The following PKHD1 variants were observed in gnomAD, a reference collection of about 807,000 sequenced individuals.
PKHD1 encodes fibrocystin.
In PKHD1, 291 loss-of-function variants were observed where a neutral mutation model predicts 412.0. The observed-to-expected ratio is 0.71, with a 90% confidence interval of 0.64 to 0.78. The LOEUF is 0.78. Ranked by LOEUF, PKHD1 falls within the 30% of genes least tolerant of loss-of-function variation. PKHD1 has a pLI of 0.00. For missense variants in PKHD1, 4,825 were observed against 4,950.7 expected (o/e 0.97, Z 0.76); for synonymous variants, 1,777 against 1,821.5 (o/e 0.98, Z 0.62).
At chr6:51,864,991 A>T (rs529575047) in intron 48 of PKHD1, among the ~76,000 whole-genome samples, 4 of 152,146 alleles carry the variant, frequency 2.6e-5, no homozygotes, top group East Asian at 1.9e-4. Flanking sequence ...TATGTGGGAC[A>T]TTTTATAATT....
In PKHD1 at chr6:51,723,453, G is replaced by A. The variant is rs986047674; in HGVS notation, c.10156+20932C>T. On this transcript the variant is annotated intron_variant, in intron 60 of 66. Coordinates refer to ENST00000371117, the MANE Select transcript of PKHD1 (RefSeq NM_138694.4). ...GAATCTGGCCTTTCTAATTACCTGG[G>A]TACTGTCACACAGATCAATGTCAGA... Among the ~76,000 whole-genome samples the A allele has an allele frequency of 2.7e-4, 41 of 152,164 alleles. No homozygotes were observed. In the Middle Eastern group the frequency reaches 0.02, roughly 76 times the overall value.
intron 59 of PKHD1, among the ~76,000 whole-genome samples, chr6:51,745,336 A>T (rs1025161486): frequency 1.3e-5 from 2 of 152,192 alleles, no homozygotes; most frequent in African/African-American, 4.8e-5. Context: ...TTCAATTCTC[A>T]TGAATAAGAT....
chr6:51,705,761 T>C (rs906113642), intron 60 of PKHD1, among the ~76,000 whole-genome samples: 15 of 152,042 alleles, frequency 9.9e-5, no homozygotes, highest in Non-Finnish European at 2.1e-4. Context: ...GGATAGATGC[T>C]TGAAGTAGAA....
chr6:51,670,881 T>C (rs975490232), intron 60 of PKHD1, among the ~76,000 whole-genome samples: 1 of 151,886 alleles, frequency 6.6e-6, no homozygotes, highest in Admixed American at 6.6e-5. Context: ...TGGCCCCCAC[T>C]CTCTTCTGGC....
intron 1 of PKHD1, among the ~76,000 whole-genome samples, chr6:52,086,549 A>G (rs1812827036): frequency 6.6e-6 from 1 of 152,232 alleles, no homozygotes. Flanking sequence ...CCTTACGGGC[A>G]TGTTCTGATT....
Position 51,949,985 on chromosome 6 carries a change from C to T in PKHD1, c.5908+9885G>A, listed in dbSNP as rs537425628. On this transcript the variant is annotated intron_variant, in intron 36 of 66. Transcript: ENST00000371117. ...GATACTGCTTATGCATCTCCCTGTT[C>T]TTCCTTTAATTAAAAAACATGCTTA... 8.6e-5 allele frequency among the ~76,000 whole-genome samples: 13 copies of T among 152,002 alleles called. No homozygotes were observed. In the South Asian group the frequency reaches 2.7e-3, roughly 32 times the overall value.
At chr6:51,773,019 T>C (rs1041608446) in intron 54 of PKHD1, among the ~76,000 whole-genome samples, 1 of 152,028 alleles carries the variant, frequency 6.6e-6, no homozygotes, top group South Asian at 2.1e-4. Context: ...AAAAGAATGC[T>C]ACACCACATC....
At chr6:51,623,629 G>T (rs1023448427) in intron 66 of PKHD1, among the ~76,000 whole-genome samples, 2 of 151,892 alleles carry the variant, frequency 1.3e-5, no homozygotes, top group African/African-American at 4.8e-5. Context: ...TGTCACCCAG[G>T]CTGGAATGCA....
At chr6:51,751,392 GA>G (rs1217867270) in intron 57 of PKHD1, among the ~76,000 whole-genome samples, 3 of 152,068 alleles carry the variant, frequency 2.0e-5, no homozygotes, top group African/African-American at 7.2e-5. Context: ...TTCTGGAACA[GA>G]AAAAAACTGA....
intron 37 of PKHD1, among the ~76,000 whole-genome samples, chr6:51,931,765 T>C (rs1383080509): frequency 1.3e-5 from 2 of 152,000 alleles, no homozygotes; most frequent in Non-Finnish European, 2.9e-5. Context: ...CCTAAATGCT[T>C]TGGGGAATGT....
At chr6:51,672,636 G>T (rs1266638808) in intron 60 of PKHD1, among the ~76,000 whole-genome samples, 1 of 152,184 alleles carries the variant, frequency 6.6e-6, no homozygotes, top group East Asian at 1.9e-4. Context: ...GTTTATTCAA[G>T]GTTGGGTTCA....
intron 48 of PKHD1, 36 bp from the exon 49 acceptor site, chr6:51,856,106 G>C (rs1383506200): frequency 8.0e-7 from 1 of 1,242,346 alleles, no homozygotes; most frequent in Non-Finnish European, 1.2e-6. Flanking sequence ...AATGGGTTGA[G>C]AGATTATTTG....
At chr6:51,622,324 A>G (rs1561973806) in intron 66 of PKHD1, 1 of 151,420 alleles carries the variant, frequency 6.6e-6, no homozygotes, top group African/African-American at 2.4e-5. Context: ...CTCTCTCTCT[A>G]CCTCCCCCTA....
chr6:51,986,213 A>G (rs1796201755), intron 35 of PKHD1, among the ~76,000 whole-genome samples: 2 of 152,238 alleles, frequency 1.3e-5, no homozygotes, highest in South Asian at 4.1e-4. Context: ...GGAGAGGGAC[A>G]TAGCTGTTCT....
intron 43 of PKHD1, among the ~76,000 whole-genome samples, chr6:51,896,638 C>T (rs1238929619): frequency 6.6e-6 from 1 of 152,164 alleles, no homozygotes; most frequent in Non-Finnish European, 1.5e-5. Flanking sequence ...CAGTTCCTCA[C>T]CAGCAACGGA....
intron 36 of PKHD1, among the ~76,000 whole-genome samples, chr6:51,952,330 G>C (rs1790478376): frequency 6.6e-6 from 1 of 152,154 alleles, no homozygotes; most frequent in South Asian, 2.1e-4. Context: ...GTACCAGGAA[G>C]GACTCTGATT....
chr6:51,938,248 C>T (rs569315334), intron 36 of PKHD1, among the ~76,000 whole-genome samples: 4 of 152,340 alleles, frequency 2.6e-5, no homozygotes, highest in South Asian at 4.1e-4. Flanking sequence ...AACTGTCAGG[C>T]CTCTGAGCCC....
chr6:51,845,414 T>C (rs1054106091), intron 50 of PKHD1, among the ~76,000 whole-genome samples: 1 of 152,142 alleles, frequency 6.6e-6, no homozygotes, highest in Non-Finnish European at 1.5e-5. Flanking sequence ...ACTCAGAGGA[T>C]AAAGGAGGCA....
chr6:51,713,431 T>C (rs1365126731), intron 60 of PKHD1, among the ~76,000 whole-genome samples: 1 of 152,152 alleles, frequency 6.6e-6, no homozygotes, highest in Non-Finnish European at 1.5e-5. Context: ...TGACTCCTCC[T>C]CCTCTACTCA....
Sources: allele counts gnomAD v4.1 joint callset (sites outside exome capture counted in the v4.1 genomes callset), GRCh38; gene constraint gnomAD v4.1.1; transcripts MANE v1.5; gene names NCBI Gene and HGNC (gene_info 2026-07-23, HGNC 2026-07-21).